The following SPIRE1 variants were observed in gnomAD, a reference collection of about 807,000 sequenced individuals.
SPIRE1 encodes the protein protein spire homolog 1.
SPIRE1 carries 40 observed loss-of-function variants against 94.1 expected under a neutral mutation model. The observed-to-expected ratio is 0.43, with a 90% CI of 0.33 to 0.55. The LOEUF (loss-of-function observed/expected upper bound fraction) is 0.55, where lower values mean the gene tolerates loss of function less well. Among genes scored for constraint, SPIRE1 ranks in the 20% least tolerant of loss-of-function variants. The pLI is 0.06. For missense variants in SPIRE1, 838 were observed against 975.2 expected (o/e 0.86, Z 1.87); for synonymous variants, 376 against 371.7 (o/e 1.01, Z -0.13).
intron 2 of SPIRE1, among the ~76,000 whole-genome samples, chr18:12,594,869 C>G (rs2036628246): frequency 6.6e-6 from 1 of 152,222 alleles, no homozygotes; most frequent in Admixed American, 6.5e-5. Flanking sequence ...TCCACTTCCT[C>G]AGACTATTCA....
chr18:12,529,854 C>A (rs535642691), intron 4 of SPIRE1, among the ~76,000 whole-genome samples: 4 of 152,308 alleles, frequency 2.6e-5, no homozygotes, highest in Admixed American at 6.5e-5. Flanking sequence ...GCTGCAATAT[C>A]ATGAACACAT....
intron 1 of SPIRE1, among the ~76,000 whole-genome samples, chr18:12,639,272 A>T (rs1264349699): frequency 6.6e-6 from 1 of 152,100 alleles, no homozygotes; most frequent in African/African-American, 2.4e-5. Flanking sequence ...CTCAAAAAAA[A>T]AAATTCTGGG....
chr18:12,486,742 TA>T (rs912036869), intron 8 of SPIRE1, among the ~76,000 whole-genome samples: 4 of 152,248 alleles, frequency 2.6e-5, no homozygotes, highest in African/African-American at 9.6e-5. Flanking sequence ...TGACACACAG[TA>T]AAAACTGAAT....
At chr18:12,579,200 TACAC>T (rs60826359) in intron 2 of SPIRE1, among the ~76,000 whole-genome samples, 7,136 of 118,998 alleles carry the variant, frequency 0.06, 361 homozygotes, top group Admixed American at 0.17. Flanking sequence ...CACACACACA[TACAC>T]ACACACACAC....
At chr18:12,598,139 T>A (rs2036731135) in intron 2 of SPIRE1, among the ~76,000 whole-genome samples, 1 of 152,238 alleles carries the variant, frequency 6.6e-6, no homozygotes, top group South Asian at 2.1e-4. Context: ...TTATGTCTAA[T>A]ATTTGACATA....
At chr18:12,644,031 C>CAAA (rs72419037) in intron 1 of SPIRE1, among the ~76,000 whole-genome samples, 53 of 132,202 alleles carry the variant, frequency 4.0e-4, no homozygotes, top group Admixed American at 4.8e-4. Context: ...CTGTCTCAAC[C>CAAA]AAAAAAAAAA....
intron 4 of SPIRE1, among the ~76,000 whole-genome samples, chr18:12,524,908 G>A (rs1367648626): frequency 6.6e-6 from 1 of 151,934 alleles, no homozygotes; most frequent in East Asian, 1.9e-4. Flanking sequence ...GAGCCCAGGA[G>A]CTAAAGAGCT....
chr18:12,534,776 CT>C (rs1309183479), intron 4 of SPIRE1, among the ~76,000 whole-genome samples: 1 of 152,182 alleles, frequency 6.6e-6, no homozygotes, highest in Non-Finnish European at 1.5e-5. Flanking sequence ...TCTCATATAT[CT>C]TGAACTCCTG....
rs1196395156 is a variant in SPIRE1, at chr18:12,446,858, T to C, written c.*2780A>G. On this transcript the variant is annotated 3_prime_UTR_variant, in exon 17 of 17. Coordinates refer to ENST00000409402, the MANE Select transcript of SPIRE1 (RefSeq NM_001128626.2). ...GCTAATAACAGAATCTCTTTAAACA[T>C]AAGATCATTTTAAGCCTCTTACATA... 1 of 152,198 alleles carries C rather than the reference T, an allele frequency of 6.6e-6. No homozygotes were observed. Among genetic ancestry groups the C allele is most frequent in the African/African-American group, 2.4e-5 (1 of 41,446 alleles). The allele number at this position is 152,198 out of a possible 1,614,324, so 9.4% of individuals were successfully genotyped here.
chr18:12,449,509 G>C lies in SPIRE1; in HGVS notation c.*129C>G, dbSNP rs531806405. 3.0e-4 allele frequency: 289 copies of C among 965,634 alleles called. 7 individuals are homozygous for C. In the South Asian group the frequency reaches 4.7e-3, roughly 16 times the overall value. The allele number at this position is 965,634 out of a possible 1,614,324, so 59.8% of individuals were successfully genotyped here. On this transcript the variant is annotated 3_prime_UTR_variant, in exon 17 of 17. Coordinates refer to ENST00000409402, the MANE Select transcript of SPIRE1 (RefSeq NM_001128626.2). ...TTCAGTCTGTGGAACAATGTGATGCGGCAAAAATCTGATCTAATGCAAATT... is the reference window on the plus strand; with the variant it reads ...TTCAGTCTGTGGAACAATGTGATGCCGCAAAAATCTGATCTAATGCAAATT...
rs570308083 is a variant in SPIRE1, at chr18:12,485,992, G to C, written c.1198C>G (p.Pro400Ala). 6.6e-7 allele frequency: 1 copy of C among 1,518,058 alleles called. No homozygotes were observed. The highest frequency in any genetic ancestry group is 2.5e-5 in the Admixed American group (1 of 40,042). The allele number at this position is 1,518,058 out of a possible 1,614,324, so 94.0% of individuals were successfully genotyped here. A position where few individuals can be genotyped will look rare whatever the true frequency, so the allele number is the denominator to read the frequency against. ...EIRRSRLAMR[P>A]LSMSYSFDLS... is the part of the protein sequence containing the mutation. ...TCAAAACTGTAAGACATGCTAAGTG[G>C]CCGCATTGCTGAAAAAAAGAAAACA... The change falls in exon 9 of 17, where the codon CCA becomes GCA. Residue 400 changes from proline (P) to alanine (A), a missense_variant. Around this residue, in one of 2 missense-constraint regions of SPIRE1, gnomAD observed 645 missense variants for 804.7 expected, o/e 0.80. Coordinates refer to ENST00000409402, the MANE Select transcript of SPIRE1 (RefSeq NM_001128626.2).
intron 6 of SPIRE1, among the ~76,000 whole-genome samples, chr18:12,500,606 C>A (rs1027348248): frequency 3.9e-5 from 6 of 152,120 alleles, no homozygotes; most frequent in South Asian, 2.1e-4. Flanking sequence ...CCACTCCACT[C>A]CCAGGTATAT....
At chr18:12,505,590 T>G (rs1443806624) in intron 6 of SPIRE1, among the ~76,000 whole-genome samples, 1 of 149,822 alleles carries the variant, frequency 6.7e-6, no homozygotes, top group African/African-American at 2.5e-5. Context: ...CAATTGGAGA[T>G]GGAGAGAAGT....
rs569735771 is a variant in SPIRE1, at chr18:12,527,242, T to C, written c.729+8234A>G. ...CCTCAAGATCAACTTTTATTGTCTA[T>C]CATTTGTACAAAGTTAAAAATTAGG... On this transcript the variant is annotated intron_variant, in intron 4 of 16. Transcript: ENST00000409402. Among the ~76,000 whole-genome samples, 9 of 152,334 alleles carry C rather than the reference T, an allele frequency of 5.9e-5. No individual in the cohort carries two copies. The East Asian group carries it at 1.7e-3, about 29-fold the overall frequency.
At chr18:12,646,009 A>G (rs2038213701) in intron 1 of SPIRE1, among the ~76,000 whole-genome samples, 1 of 152,104 alleles carries the variant, frequency 6.6e-6, no homozygotes, top group Admixed American at 6.6e-5. Flanking sequence ...CCTGTTGAGA[A>G]CTCTTGGGGC....
intron 12 of SPIRE1, 40 bp from the exon 13 acceptor site, chr18:12,454,523 C>A (rs768775343): frequency 1.2e-6 from 2 of 1,607,446 alleles, no homozygotes; most frequent in South Asian, 1.1e-5. Flanking sequence ...GATTCCTACC[C>A]CCTGTTCTGG....
At chr18:12,590,658 T>C (rs1049242338) in intron 2 of SPIRE1, among the ~76,000 whole-genome samples, 2 of 151,976 alleles carry the variant, frequency 1.3e-5, no homozygotes, top group African/African-American at 4.8e-5. Context: ...AGCATCAGCG[T>C]TGTGGAGGCC....
At chr18:12,626,996 G>C (rs976059294) in intron 2 of SPIRE1, among the ~76,000 whole-genome samples, 1 of 150,472 alleles carries the variant, frequency 6.6e-6, no homozygotes, top group Non-Finnish European at 1.5e-5. Flanking sequence ...TTTTGACTGA[G>C]AGTAATTAAT....
At chr18:12,627,865 G>A (rs1319402018) in intron 2 of SPIRE1, among the ~76,000 whole-genome samples, 1 of 152,162 alleles carries the variant, frequency 6.6e-6, no homozygotes, top group Non-Finnish European at 1.5e-5. Context: ...CTTTTGAGAA[G>A]TGTCTGTTCA....
Sources: gnomAD v4.1 joint callset for allele counts (sites outside exome capture counted in the v4.1 genomes callset) on GRCh38, gnomAD v4.1.1 for gene constraint, gnomAD v4.1.1 regional missense constraint, MANE v1.5 for transcripts, NCBI Gene and HGNC (gene_info 2026-07-23, HGNC 2026-07-21) for gene names.